Variants in ATP5MF observed in about 807,000 individuals in gnomAD.
The protein encoded by ATP5MF is ATP synthase membrane subunit f.
A neutral mutation model predicts 13.8 loss-of-function variants in ATP5MF; 10 were observed. The observed-to-expected ratio is 0.72, with a 90% CI of 0.45 to 1.23. ATP5MF has a LOEUF of 1.23. Among genes scored for constraint, ATP5MF ranks in the 50% most tolerant of loss-of-function variants. The pLI is 0.00. For synonymous variants in ATP5MF, 40 were observed against 45.8 expected, an observed-to-expected ratio of 0.87 and a Z score of 0.51; for missense variants, 122 against 118.2, an observed-to-expected ratio of 1.03 and a Z score of -0.15.
intron 1 of ATP5MF, among the ~76,000 whole-genome samples, chr7:99,463,295 T>C (rs1798697898): frequency 6.6e-6 from 1 of 152,238 alleles, no homozygotes; most frequent in African/African-American, 2.4e-5. Context: ...ATAAAGATTT[T>C]TGGATTTGCA....
chr7:99,462,175 G>A (rs544514646), intron 1 of ATP5MF, among the ~76,000 whole-genome samples: 20 of 151,474 alleles, frequency 1.3e-4, no homozygotes, highest in African/African-American at 3.4e-4. Flanking sequence ...ATCAGGGGCC[G>A]GGCACGGTGG....
At chr7:99,462,523 T>TCCCCCCC (rs978399156) in intron 1 of ATP5MF, among the ~76,000 whole-genome samples, 3 of 152,114 alleles carry the variant, frequency 2.0e-5, no homozygotes, top group Non-Finnish European at 4.4e-5. Flanking sequence ...ACGCCTGTAA[T>TCCCCCCC]CCCAGCACTG....
intron 1 of ATP5MF, among the ~76,000 whole-genome samples, chr7:99,461,604 G>A (rs182276849): frequency 1.4e-4 from 22 of 152,026 alleles, no homozygotes; most frequent in Admixed American, 1.4e-3. Flanking sequence ...AGCACTTTGG[G>A]AGGTCGAGGC....
At chr7:99,458,471 A>G in intron 3 of ATP5MF, 116 bp from the exon 4 acceptor site, 2 of 1,078,446 alleles carry the variant, frequency 1.9e-6, no homozygotes, top group Admixed American at 2.5e-5. Context: ...TTCAGAGATG[A>G]CCCATGACCC....
intron 1 of ATP5MF, chr7:99,460,403 C>T: frequency 2.8e-6 from 2 of 717,766 alleles, no homozygotes; most frequent in Non-Finnish European, 5.0e-6. Flanking sequence ...GCTGCAGGGA[C>T]AGCTTTATTA....
At chr7:99,458,914 C>T (rs1798465987) in intron 3 of ATP5MF, 1 of 521,518 alleles carries the variant, frequency 1.9e-6, no homozygotes, top group Admixed American at 3.3e-5. Context: ...ACTCTCTTTA[C>T]CCTGGCTTCA....
chr7:99,460,497 A>G (rs1437031096), intron 1 of ATP5MF: 1 of 613,794 alleles, frequency 1.6e-6, no homozygotes, highest in Non-Finnish European at 3.1e-6. Context: ...GCGGACAGGA[A>G]AGATTACTGC....
chr7:99,459,988 A>C, intron 2 of ATP5MF, 98 bp downstream of exon 2: 1 of 1,367,800 alleles, frequency 7.3e-7, no homozygotes, highest in Non-Finnish European at 1.0e-6. Flanking sequence ...CTGCTTTCAG[A>C]CAACAAGGCC....
intron 1 of ATP5MF, among the ~76,000 whole-genome samples, chr7:99,463,989 T>A (rs1798730127): frequency 1.3e-5 from 2 of 152,078 alleles, no homozygotes; most frequent in South Asian, 2.1e-4. Flanking sequence ...ACCTAAAAGA[T>A]CATCAATACC....
intron 1 of ATP5MF, 48 bp from the exon 2 acceptor site, chr7:99,460,241 A>AACAC: frequency 5.6e-6 from 9 of 1,603,394 alleles, no homozygotes; most frequent in Non-Finnish European, 6.0e-6. Flanking sequence ...ATCTCCCAGT[A>AACAC]ACACATATGG....
intron 2 of ATP5MF, 50 bp from the exon 3 acceptor site, chr7:99,459,313 G>C (rs779268394): frequency 2.4e-5 from 33 of 1,373,732 alleles, no homozygotes; most frequent in South Asian, 8.1e-5. Context: ...ACATTTGAGT[G>C]AAGTTGAGCA....
chr7:99,465,492 T>G (rs956517109), intron 1 of ATP5MF, among the ~76,000 whole-genome samples: 7 of 152,136 alleles, frequency 4.6e-5, no homozygotes, highest in African/African-American at 1.7e-4. Context: ...ATCATCAGTG[T>G]GCACAGCGGG....
chr7:99,459,237 T>C lies in ATP5MF; in HGVS notation c.166A>G (p.Ile56Val), dbSNP rs1057288613. Residue 56 changes from isoleucine to valine, a missense_variant, in exon 3 of 4, where the codon ATC becomes GTC. Transcript: ENST00000292475. ...RGYYRYYNKY[I>V]NVKKGSISGI... ...GAGATGCTCCCCTTCTTCACATTGA[T>C]GTACTTGTTGTAGTACCGGTAGTAA... 6.2e-7 allele frequency: 1 copy of C among 1,614,042 alleles called. No homozygotes were observed. Among genetic ancestry groups the C allele is most frequent in the African/African-American group, 1.3e-5 (1 of 74,930 alleles).
chr7:99,459,281 G>A lies in ATP5MF; in HGVS notation c.140-18C>T, dbSNP rs183026598. The A allele has an allele frequency of 2.9e-5, 46 of 1,570,094 alleles. No individual in the cohort carries two copies. The highest frequency in any genetic ancestry group is 2.7e-4 in the South Asian group (24 of 90,216). On this transcript the variant is annotated intron_variant, in intron 2 of 3. Transcript: ENST00000292475. The stretch of plus-strand genomic sequence containing the variant: ...GTAGTAACCTGCAAACGCAAGAGGC[G>A]CTCACTGCCCTGCTGGGCTTCACAT...
At position 99,458,249 on chromosome 7, in the gene ATP5MF, G is replaced by A. The variant is rs549550819; in HGVS notation, c.*78C>T. 19 of 1,427,926 alleles carry A rather than the reference G, an allele frequency of 1.3e-5. No individual in the cohort carries two copies. In the East Asian group the frequency reaches 4.4e-4, roughly 33 times the overall value. 88.5% of individuals were successfully genotyped at this position (1,427,926 alleles called of 1,614,324 possible). A position where few individuals can be genotyped will look rare whatever the true frequency, so the allele number is the denominator to read the frequency against. On this transcript the variant is annotated 3_prime_UTR_variant, in exon 4 of 4. Coordinates refer to ENST00000292475, the MANE Select transcript of ATP5MF (RefSeq NM_004889.5). ...TCCTATTAGGATATGAAAGGATTCAGCAACGATTGAGATTGTGTTCCTCAC... is the reference window on the plus strand; with the variant it reads ...TCCTATTAGGATATGAAAGGATTCAACAACGATTGAGATTGTGTTCCTCAC...
chr7:99,463,576 G>A (rs1798710751), intron 1 of ATP5MF, among the ~76,000 whole-genome samples: 1 of 152,166 alleles, frequency 6.6e-6, no homozygotes. Context: ...AGGAGTCTGA[G>A]ACCAGCCTGA....
intron 3 of ATP5MF, among the ~76,000 whole-genome samples, chr7:99,458,657 A>C (rs1798445265): frequency 6.6e-6 from 1 of 152,014 alleles, no homozygotes; most frequent in South Asian, 2.1e-4. Flanking sequence ...GTGCCACAGA[A>C]TGGGAGTGAG....
At chr7:99,464,662 C>CA (rs1487542407) in intron 1 of ATP5MF, among the ~76,000 whole-genome samples, 1 of 150,228 alleles carries the variant, frequency 6.7e-6, no homozygotes, top group Non-Finnish European at 1.5e-5. Flanking sequence ...GACTCCATCT[C>CA]AAAAAAACAA....
At chr7:99,463,358 T>G (rs1002489377) in intron 1 of ATP5MF, among the ~76,000 whole-genome samples, 1 of 152,216 alleles carries the variant, frequency 6.6e-6, no homozygotes, top group African/African-American at 2.4e-5. Flanking sequence ...ACAATCTTTT[T>G]AAAAACAGAA....
Sources: allele counts gnomAD v4.1 joint callset (sites outside exome capture counted in the v4.1 genomes callset), GRCh38; gene constraint gnomAD v4.1.1; transcripts MANE v1.5; gene names NCBI Gene and HGNC (gene_info 2026-07-23, HGNC 2026-07-21).